The following NID2 variants were observed in gnomAD, a reference collection of about 807,000 sequenced individuals.
NID2 encodes the protein nidogen 2.
Under a neutral mutation model 145.4 loss-of-function variants are expected in NID2, and 83 were observed. The observed-to-expected ratio is 0.57, with a 90% CI of 0.48 to 0.69. NID2 has a LOEUF of 0.69. Ranked by LOEUF, NID2 falls within the 30% of genes least tolerant of loss-of-function variation. NID2 has a pLI of 0.00. For synonymous variants in NID2, 739 were observed against 701.3 expected, an observed-to-expected ratio of 1.05 and a Z score of -0.85; for missense variants, 1,807 against 1,765.7, an observed-to-expected ratio of 1.02 and a Z score of -0.42.
rs71121681 is a variant in NID2, at chr14:52,060,364, G to GAA, written c.535-10_535-9dup. ...TGCCTGGAAAGTGTTCAGCTGTGAG[G>GAA]AAAAAAAAAAAAAAAGAGAGAGAGA... is the stretch of plus-strand genomic sequence containing the variant. On this transcript the variant is annotated splice_polypyrimidine_tract_variant and intron_variant, in intron 2 of 21. Coordinates refer to ENST00000216286, the MANE Select transcript of NID2 (RefSeq NM_007361.4). The GAA allele has an allele frequency of 2.3e-3, 1,666 of 739,996 alleles. No homozygotes were observed. The highest frequency in any genetic ancestry group is 5.8e-3 in the East Asian group (156 of 27,042). 45.8% of individuals were successfully genotyped at this position (739,996 alleles called of 1,614,324 possible). A position where few individuals can be genotyped will look rare whatever the true frequency, so the allele number is the denominator to read the frequency against.
chr14:52,008,607 A>T (rs1212837125), intron 18 of NID2: 1 of 152,172 alleles, frequency 6.6e-6, no homozygotes, highest in Non-Finnish European at 1.5e-5. Flanking sequence ...TATGTGGGAG[A>T]AGTCATTACT....
intron 5 of NID2, among the ~76,000 whole-genome samples, chr14:52,050,080 GCCAGGTGTCCTT>G (rs1345669932): frequency 6.6e-6 from 1 of 152,206 alleles, no homozygotes; most frequent in African/African-American, 2.4e-5. Flanking sequence ...GTTTCTGAAA[GCCAGGTGTCCTT>G]CCTCCTAACT....
intron 9 of NID2, among the ~76,000 whole-genome samples, chr14:52,034,774 C>T (rs1230715489): frequency 1.3e-5 from 2 of 152,168 alleles, no homozygotes; most frequent in Non-Finnish European, 2.9e-5. Flanking sequence ...TCAACAGTTT[C>T]AATACAGTGG....
intron 5 of NID2, among the ~76,000 whole-genome samples, chr14:52,043,379 T>C (rs1269107185): frequency 3.3e-5 from 5 of 152,190 alleles, no homozygotes; most frequent in Non-Finnish European, 7.3e-5. Context: ...TAGGGAACAC[T>C]GAACTTAAAA....
chr14:52,006,720 CAT>C, intron 19 of NID2, 60 bp from the exon 20 acceptor site: 5 of 1,582,418 alleles, frequency 3.2e-6, no homozygotes, highest in Non-Finnish European at 4.3e-6. Flanking sequence ...ATGATAGTGA[CAT>C]AGTGATAGTG....
intron 3 of NID2, among the ~76,000 whole-genome samples, chr14:52,056,156 T>C (rs1011397736): frequency 6.6e-6 from 1 of 151,992 alleles, no homozygotes; most frequent in South Asian, 2.1e-4. Flanking sequence ...TCTGAGGATA[T>C]TGAGTTTATT....
intron 5 of NID2, among the ~76,000 whole-genome samples, chr14:52,046,320 C>G (rs1355005891): frequency 4.8e-5 from 1 of 20,954 alleles, no homozygotes; most frequent in African/African-American, 3.2e-4. Flanking sequence ...GAGACTCCAT[C>G]TCAAAAAAAA....
At chr14:52,038,657 A>G (rs753050) in intron 9 of NID2, 90 bp downstream of exon 9, 771,798 of 981,710 alleles carry the variant, frequency 0.79, 304,358 homozygotes, top group South Asian at 0.88. Context: ...ACAGCATGGC[A>G]CTAGGTAACC....
At chr14:52,059,452 C>A (rs561964762) in intron 3 of NID2, among the ~76,000 whole-genome samples, 80 of 152,300 alleles carry the variant, frequency 5.3e-4, no homozygotes, top group African/African-American at 1.9e-3. Context: ...CTCACACACC[C>A]CCCAAAAAAC....
At chr14:52,018,419 T>G (rs1891290022) in intron 14 of NID2, among the ~76,000 whole-genome samples, 2 of 152,200 alleles carry the variant, frequency 1.3e-5, no homozygotes, top group Admixed American at 6.5e-5. Context: ...CTGTGAGCAC[T>G]TGATCACCAT....
intron 9 of NID2, among the ~76,000 whole-genome samples, chr14:52,035,816 C>T (rs1892040440): frequency 6.8e-6 from 1 of 147,470 alleles, no homozygotes; most frequent in Non-Finnish European, 1.5e-5. Context: ...GTAGCTGGGA[C>T]TACAGACACA....
intron 2 of NID2, among the ~76,000 whole-genome samples, chr14:52,065,939 A>C (rs895354167): frequency 2.7e-5 from 4 of 146,528 alleles, no homozygotes; most frequent in African/African-American, 1.0e-4. Context: ...AGTCTTTGCT[A>C]TTGTGAATAG....
chr14:52,024,193 C>T (rs1040363061), intron 12 of NID2, among the ~76,000 whole-genome samples: 8 of 152,132 alleles, frequency 5.3e-5, no homozygotes, highest in African/African-American at 1.9e-4. Context: ...CTAAGATGGC[C>T]CCCAACAGTC....
rs772643499 is a variant in NID2, at chr14:52,067,845, C to T, written c.534+13G>A. 33 of 1,611,004 alleles carry T rather than the reference C, an allele frequency of 2.0e-5. 1 individual carries two copies. The South Asian group carries it at 3.4e-4, about 17-fold the overall frequency. On this transcript the variant is annotated intron_variant, in intron 2 of 21. Coordinates refer to ENST00000216286, the MANE Select transcript of NID2 (RefSeq NM_007361.4). ...TCAATTTCCTCAGCAGTCAAATATC[C>T]CTGGTCACTTACCTCTCCCGAGGGC...
intron 3 of NID2, among the ~76,000 whole-genome samples, chr14:52,055,175 A>G (rs17124972): frequency 0.22 from 33,602 of 152,120 alleles, 4,507 homozygotes; most frequent in East Asian, 0.51. Flanking sequence ...AGGCTTTAAA[A>G]GGCTAACTGA....
rs548075293 is a variant in NID2 at position 52,015,135 on chromosome 14, T to C, written c.3169A>G (p.Lys1057Glu). The C allele has an allele frequency of 1.2e-6, 2 of 1,614,078 alleles. No homozygotes were observed. The highest frequency in any genetic ancestry group is 2.2e-5 in the South Asian group (2 of 91,088). Reference protein sequence around the residue: ...GHFIPLQCHGKSDFCWCVDKD... With the variant: ...GHFIPLQCHGESDFCWCVDKD... ...TCCACACACCAGCAGAAGTCGCTCT[T>C]TCCGTGGCACTGCAGGGGGATGAAG... Residue 1057 changes from lysine to glutamate, a missense_variant, in exon 15 of 22, where the codon AAG (lysine) becomes GAG (glutamate). Lys to Glu is a moderately conservative substitution (Grantham distance 56). Coordinates refer to ENST00000216286, the MANE Select transcript of NID2 (RefSeq NM_007361.4).
In NID2 at chr14:52,068,046, T is replaced by G; in HGVS notation, c.346A>C (p.Ser116Arg). 1 of 1,613,782 alleles carries G rather than the reference T, an allele frequency of 6.2e-7. No individual in the cohort carries two copies. Among genetic ancestry groups the G allele is most frequent in the South Asian group, 1.1e-5 (1 of 91,046 alleles). Residue 116 changes from serine (S) to arginine (R), a missense_variant, in exon 2 of 22, where the codon AGC (serine) becomes CGC (arginine). Physicochemically the swap from Ser to Arg is moderately radical, Grantham distance 110. Coordinates refer to ENST00000216286, the MANE Select transcript of NID2 (RefSeq NM_007361.4). ...IAPFLADIDT[S>R]HGRGRVLYRE... ...TACAGGACTCGGCCTCTGCCGTGGC[T>G]CGTGTCGATGTCCGCCAGAAAAGGG...
intron 12 of NID2, among the ~76,000 whole-genome samples, chr14:52,023,049 C>T (rs1266700739): frequency 6.6e-6 from 1 of 152,218 alleles, no homozygotes; most frequent in Admixed American, 6.5e-5. Context: ...TAAACTACTT[C>T]CTTTCAAGCT....
chr14:52,008,043 G>A, intron 18 of NID2, 76 bp from the exon 19 acceptor site: 1 of 1,177,270 alleles, frequency 8.5e-7, no homozygotes, highest in African/African-American at 1.5e-5. Context: ...AGCCCCCAGT[G>A]ATCTCCATCT....
Sources: allele counts gnomAD v4.1 joint callset (sites outside exome capture counted in the v4.1 genomes callset), GRCh38; gene constraint gnomAD v4.1.1; transcripts MANE v1.5; gene names NCBI Gene and HGNC (gene_info 2026-07-23, HGNC 2026-07-21).